The following STK33 variants were observed in gnomAD, a reference collection of about 807,000 sequenced individuals.
STK33 encodes serine/threonine-protein kinase 33.
Under a neutral mutation model 58.0 loss-of-function variants are expected in STK33, and 52 were observed. That is an observed-to-expected ratio of 0.90 (90% CI 0.72 to 1.13). The LOEUF is 1.13. Among genes scored for constraint, STK33 ranks in the 50% most tolerant of loss-of-function variants. The pLI is 0.00. For synonymous variants in STK33, 215 were observed against 200.1 expected (o/e 1.07, Z -0.63); for missense variants, 630 against 604.2 (o/e 1.04, Z -0.45).
At chr11:8,362,885 T>TCTTCCTTCCTCTCTCTCTCC in the STK33 span, among the ~76,000 whole-genome samples, 1 of 150,548 alleles carries the variant, frequency 6.6e-6, no homozygotes, top group South Asian at 2.1e-4. Context: ...CCTCCCTCCC[T>TCTTCCTTCCTCTCTCTCTCC]CTTCCTTCCT....
At chr11:8,407,357 C>T (rs576082428) in intron 15 of STK33, among the ~76,000 whole-genome samples, 1 of 152,068 alleles carries the variant, frequency 6.6e-6, no homozygotes, top group African/African-American at 2.4e-5. Flanking sequence ...ATAAGGCAAA[C>T]ATGCCTTATA....
chr11:8,536,973 T>TA (rs1176170113), intron 1 of STK33, among the ~76,000 whole-genome samples: 2 of 6,204 alleles, frequency 3.2e-4, no homozygotes, highest in Non-Finnish European at 1.3e-3. Flanking sequence ...AAAAAAAAGA[T>TA]TTTTTTTTTT....
chr11:8,569,091 CCAAG>C (rs1246677625), intron 1 of STK33, among the ~76,000 whole-genome samples: 2 of 152,162 alleles, frequency 1.3e-5, no homozygotes, highest in Non-Finnish European at 2.9e-5. Context: ...CATGAATTTA[CCAAG>C]GTTTATTCTA....
At chr11:8,409,281 C>G (rs373300077) in intron 15 of STK33, among the ~76,000 whole-genome samples, 4 of 152,232 alleles carry the variant, frequency 2.6e-5, no homozygotes, top group Admixed American at 1.3e-4. Flanking sequence ...ATCTGTTCCA[C>G]AAATCTCCAC....
At chr11:8,435,979 T>TA in intron 13 of STK33, 48 bp downstream of exon 13, 1 of 1,159,610 alleles carries the variant, frequency 8.6e-7, no homozygotes, top group Non-Finnish European at 1.2e-6. Flanking sequence ...CCAACTTTCT[T>TA]ATGTTACTTA....
chr11:8,455,536 C>T (rs190004135), intron 9 of STK33, among the ~76,000 whole-genome samples: 1 of 152,278 alleles, frequency 6.6e-6, no homozygotes, highest in Admixed American at 6.5e-5. Flanking sequence ...CGGCCAGGCG[C>T]AGTGGCTTGC....
intron 12 of STK33, 42 bp downstream of exon 12, chr11:8,440,636 C>G: frequency 6.7e-7 from 1 of 1,488,956 alleles, no homozygotes; most frequent in Non-Finnish European, 9.1e-7. Context: ...CTGTTAGAAA[C>G]TATCCACTCA....
intron 15 of STK33, among the ~76,000 whole-genome samples, chr11:8,400,870 A>G (rs1039226774): frequency 6.6e-6 from 1 of 152,214 alleles, no homozygotes; most frequent in Admixed American, 6.5e-5. Context: ...CCCATTCACA[A>G]TTGCTTCAGA....
chr11:8,475,548 G>C lies in STK33; in HGVS notation c.-161-482C>G, dbSNP rs374959470. ...AAATTCCTATTACATACTTTACAAA[G>C]GAGTGAATAATTCGATTTTTAGAAA... On this transcript the variant is annotated intron_variant, in intron 4 of 15. Transcript: ENST00000687296. The C allele has an allele frequency of 1.6e-4, 24 of 152,234 alleles. No individual in the cohort carries two copies. The East Asian group carries it at 4.3e-3, about 27-fold the overall frequency. 9.4% of individuals were successfully genotyped at this position (152,234 alleles called of 1,614,324 possible). A position where few individuals can be genotyped will look rare whatever the true frequency, so the allele number is the denominator to read the frequency against.
At chr11:8,372,996 G>A in the STK33 span, among the ~76,000 whole-genome samples, 5 of 152,172 alleles carry the variant, frequency 3.3e-5, no homozygotes, top group South Asian at 2.1e-4. Context: ...TGCATTTAGC[G>A]CTTTGGGCAG....
intron 1 of STK33, among the ~76,000 whole-genome samples, chr11:8,565,334 T>A (rs995180706): frequency 6.6e-6 from 1 of 152,228 alleles, no homozygotes; most frequent in Non-Finnish European, 1.5e-5. Flanking sequence ...TCTGCTTTTG[T>A]TGTAATTGGG....
At chr11:8,494,287 A>T (rs952432868) in intron 1 of STK33, among the ~76,000 whole-genome samples, 1 of 152,230 alleles carries the variant, frequency 6.6e-6, no homozygotes, top group Non-Finnish European at 1.5e-5. Flanking sequence ...AATCACAAAC[A>T]TTCCTATACA....
At chr11:8,341,177 C>T in the STK33 span, among the ~76,000 whole-genome samples, 9 of 152,242 alleles carry the variant, frequency 5.9e-5, no homozygotes, top group African/African-American at 1.2e-4. Context: ...TGTTTCCCTG[C>T]TCTTAGGCAT....
chr11:8,433,549 T>C (rs988060650), intron 14 of STK33, among the ~76,000 whole-genome samples: 1 of 152,216 alleles, frequency 6.6e-6, no homozygotes, highest in Admixed American at 6.5e-5. Flanking sequence ...ATCTGTTTGA[T>C]ATCACCACTT....
intron 1 of STK33, among the ~76,000 whole-genome samples, chr11:8,559,832 T>C (rs1233592628): frequency 6.6e-6 from 1 of 152,158 alleles, no homozygotes; most frequent in East Asian, 1.9e-4. Context: ...TTCTAGAAAT[T>C]TTCTTTGCAT....
At chr11:8,488,956 C>T (rs1737205749) in intron 1 of STK33, among the ~76,000 whole-genome samples, 1 of 152,030 alleles carries the variant, frequency 6.6e-6, no homozygotes, top group Non-Finnish European at 1.5e-5. Flanking sequence ...TGAAAGAAAC[C>T]ATGTCTAAAG....
At chr11:8,441,168 G>C (rs1458355834) in intron 11 of STK33, among the ~76,000 whole-genome samples, 4 of 152,028 alleles carry the variant, frequency 2.6e-5, no homozygotes, top group African/African-American at 9.7e-5. Flanking sequence ...AAAAACTAAG[G>C]TACGTGGTTA....
At chr11:8,518,840 G>T (rs1591591053) in intron 1 of STK33, among the ~76,000 whole-genome samples, 1 of 152,138 alleles carries the variant, frequency 6.6e-6, no homozygotes, top group African/African-American at 2.4e-5. Context: ...GATTCATAAA[G>T]CAAGTCCTTA....
the STK33 span, among the ~76,000 whole-genome samples, chr11:8,357,335 A>G: frequency 1.4e-3 from 212 of 152,280 alleles, no homozygotes; most frequent in African/African-American, 4.6e-3. Context: ...CAGCCCGCGG[A>G]GCCAGGAGTC....
Sources: allele counts gnomAD v4.1 joint callset (sites outside exome capture counted in the v4.1 genomes callset), GRCh38; gene constraint gnomAD v4.1.1; transcripts MANE v1.5; gene names NCBI Gene and HGNC (gene_info 2026-07-23, HGNC 2026-07-21).